Variants in NTN1 observed in about 807,000 individuals in gnomAD.
NTN1 encodes the protein netrin 1, also known as netrin-1.
Under a neutral mutation model 54.2 loss-of-function variants are expected in NTN1, and 11 were observed. The ratio of observed to expected loss-of-function variants is 0.20; its 90% confidence interval spans 0.13 to 0.34. NTN1 has a LOEUF of 0.34. Ranked by LOEUF, NTN1 falls within the 10% of genes least tolerant of loss-of-function variation. The pLI is 1.00. For synonymous variants in NTN1, 371 were observed against 382.0 expected, an observed-to-expected ratio of 0.97 and a Z score of 0.33; for missense variants, 740 against 893.1, an observed-to-expected ratio of 0.83 and a Z score of 2.18.
intron 2 of NTN1, among the ~76,000 whole-genome samples, chr17:9,043,379 C>G (rs935740156): frequency 1.3e-5 from 2 of 152,128 alleles, no homozygotes; most frequent in African/African-American, 4.8e-5. Flanking sequence ...GTGAATTGAG[C>G]AAAATTATTC....
chr17:9,092,046 C>T (rs1266270578), intron 2 of NTN1, among the ~76,000 whole-genome samples: 5 of 151,602 alleles, frequency 3.3e-5, no homozygotes, highest in South Asian at 2.1e-4. Flanking sequence ...TGCACCACCA[C>T]GTCCGGCTAA....
intron 2 of NTN1, among the ~76,000 whole-genome samples, chr17:9,106,431 C>T (rs1240103349): frequency 6.6e-6 from 1 of 152,088 alleles, no homozygotes; most frequent in Non-Finnish European, 1.5e-5. Flanking sequence ...CACTGATTTG[C>T]CATCTGGCAA....
chr17:9,237,713 G>C (rs529701944), intron 6 of NTN1, among the ~76,000 whole-genome samples: 8 of 152,336 alleles, frequency 5.3e-5, no homozygotes, highest in East Asian at 1.9e-4. Flanking sequence ...GTCCTGGGGA[G>C]AGGAAAGCGG....
At chr17:9,148,109 T>A (rs1434385456) in intron 2 of NTN1, among the ~76,000 whole-genome samples, 3 of 152,066 alleles carry the variant, frequency 2.0e-5, no homozygotes, top group Non-Finnish European at 4.4e-5. Context: ...CAGAGGGGCG[T>A]GGTCTGTCTG....
chr17:9,127,697 G>C (rs911162204), intron 2 of NTN1, among the ~76,000 whole-genome samples: 1 of 152,164 alleles, frequency 6.6e-6, no homozygotes, highest in Admixed American at 6.5e-5. Flanking sequence ...TCAGACGGGG[G>C]AACTAGAAAG....
intron 4 of NTN1, among the ~76,000 whole-genome samples, chr17:9,180,248 A>G (rs1411572370): frequency 1.3e-5 from 2 of 152,230 alleles, no homozygotes; most frequent in Non-Finnish European, 2.9e-5. Flanking sequence ...TGTGTTGGCC[A>G]GGCTGGTCTT....
chr17:9,105,044 G>C (rs916603869), intron 2 of NTN1, among the ~76,000 whole-genome samples: 1 of 152,192 alleles, frequency 6.6e-6, no homozygotes, highest in East Asian at 1.9e-4. Context: ...GGCCATGTGG[G>C]GCCCGTGAGA....
At chr17:9,019,399 G>C (rs578101705), upstream of NTN1, among the ~76,000 whole-genome samples, 10 of 152,210 alleles carry the variant, frequency 6.6e-5, no homozygotes, top group African/African-American at 2.4e-4. Context: ...CTGTAATTAA[G>C]TGTTCTCTAA....
intron 1 of NTN1, among the ~76,000 whole-genome samples, 178 bp from the exon 2 acceptor site, chr17:9,022,133 C>A (rs1388692584): frequency 6.6e-6 from 1 of 152,092 alleles, no homozygotes; most frequent in African/African-American, 2.4e-5. Flanking sequence ...GCGAGCGGTG[C>A]GGACTTGGAG....
intron 2 of NTN1, among the ~76,000 whole-genome samples, chr17:9,124,104 T>C (rs183122213): frequency 1.3e-5 from 2 of 152,306 alleles, no homozygotes; most frequent in East Asian, 3.9e-4. Context: ...AAAGGCTGGG[T>C]CTGCGTCACC....
At chr17:9,184,745 T>A (rs1048135739) in intron 5 of NTN1, among the ~76,000 whole-genome samples, 2 of 152,188 alleles carry the variant, frequency 1.3e-5, no homozygotes, top group Non-Finnish European at 2.9e-5. Flanking sequence ...TGATTTTGAA[T>A]TTTTCCCCTT....
In NTN1 at chr17:9,202,848, C is replaced by T. The variant is rs143013931; in HGVS notation, c.1412-18320C>T. Among the ~76,000 whole-genome samples the T allele has an allele frequency of 6.3e-3, 956 of 152,274 alleles. 10 individuals are homozygous for T. Among genetic ancestry groups the T allele is most frequent in the African/African-American group, 0.021 (869 of 41,554 alleles). ...TTATTCAACTGTTGGGACTGTTTGC[C>T]TCTGTTCAAAATGATATTGCGATAT... On this transcript the variant is annotated intron_variant, in intron 5 of 6. Coordinates refer to ENST00000173229, the MANE Select transcript of NTN1 (RefSeq NM_004822.3).
At chr17:9,215,509 ATAGT>A (rs371903834) in intron 5 of NTN1, among the ~76,000 whole-genome samples, 7 of 151,532 alleles carry the variant, frequency 4.6e-5, no homozygotes, top group African/African-American at 1.5e-4. Context: ...GACTCATTTC[ATAGT>A]TGGTTGGAAA....
chr17:9,007,710 T>C, the NTN1 span, among the ~76,000 whole-genome samples: 1 of 150,668 alleles, frequency 6.6e-6, no homozygotes, highest in African/African-American at 2.4e-5. Context: ...CTTCCTTTCT[T>C]CCCTCCTTTC....
At chr17:9,232,733 G>A (rs1156977995) in intron 6 of NTN1, among the ~76,000 whole-genome samples, 2 of 152,128 alleles carry the variant, frequency 1.3e-5, no homozygotes, top group Non-Finnish European at 1.5e-5. Flanking sequence ...CAGGGGCCAC[G>A]GTGACCCCCC....
rs929067812 is a variant in NTN1, at chr17:9,045,380, G to A, written c.1018+21989G>A. ...ATGAAATATGACCCCAAATGGCTTGGTTTGGCTGTGGGATATGCCAACACC... is the reference window on the plus strand; with the variant it reads ...ATGAAATATGACCCCAAATGGCTTGATTTGGCTGTGGGATATGCCAACACC... On this transcript the variant is annotated intron_variant, in intron 2 of 6. Transcript: ENST00000173229. Among the ~76,000 whole-genome samples, 3 of 152,316 alleles carry A rather than the reference G, an allele frequency of 2.0e-5. No individual in the cohort carries two copies. The South Asian group carries it at 6.2e-4, about 32-fold the overall frequency.
chr17:9,031,279 G>C (rs2091887611), intron 2 of NTN1, among the ~76,000 whole-genome samples: 1 of 152,106 alleles, frequency 6.6e-6, no homozygotes, highest in Admixed American at 6.6e-5. Context: ...CCCAAGTGAG[G>C]GACACTTCCT....
intron 2 of NTN1, among the ~76,000 whole-genome samples, chr17:9,132,446 C>T (rs1402528447): frequency 7.9e-5 from 12 of 152,244 alleles, no homozygotes; most frequent in Admixed American, 7.9e-4. Context: ...CTCCCTTTCT[C>T]ATGCCTACTC....
rs149637692 is a variant in NTN1, at chr17:9,178,610, A to T, written c.1208-1197A>T. On this transcript the variant is annotated intron_variant, in intron 3 of 6. Coordinates refer to ENST00000173229, the MANE Select transcript of NTN1 (RefSeq NM_004822.3). ...TGGCTGCTTCAGAGCCTCTGCTCTCACTTGCATTCTTGGGTTTTTTGGTCC... is the reference window on the plus strand; with the variant it reads ...TGGCTGCTTCAGAGCCTCTGCTCTCTCTTGCATTCTTGGGTTTTTTGGTCC... Among the ~76,000 whole-genome samples, 294 of 152,266 alleles carry T rather than the reference A, an allele frequency of 1.9e-3. 3 individuals are homozygous for T. The highest frequency in any genetic ancestry group is 6.9e-3 in the African/African-American group (287 of 41,546).
Sources: gnomAD v4.1 joint callset for allele counts (sites outside exome capture counted in the v4.1 genomes callset) on GRCh38, gnomAD v4.1.1 for gene constraint, MANE v1.5 for transcripts, NCBI Gene and HGNC (gene_info 2026-07-23, HGNC 2026-07-21) for gene names.